GNAS: variants seen among roughly 807,000 people sequenced by gnomAD.
The protein encoded by GNAS is GNAS complex locus.
Under a neutral mutation model 54.5 loss-of-function variants are expected in GNAS, and 8 were observed. That is an observed-to-expected ratio of 0.15 (90% CI 0.09 to 0.26). The LOEUF (loss-of-function observed/expected upper bound fraction) is 0.26. GNAS is among the 10% of genes least tolerant of loss of function. The pLI, the probability that GNAS is intolerant of heterozygous loss-of-function variation, is 1.00. For synonymous variants in GNAS, 204 were observed against 191.4 expected, an observed-to-expected ratio of 1.07 and a Z score of -0.54; for missense variants, 170 against 529.8, an observed-to-expected ratio of 0.32 and a Z score of 6.67.
Position 58,867,222 on chromosome 20 carries a change from G to A in GNAS, c.43+26336G>A, listed in dbSNP as rs919767048. ...CAGAACCCAAAAACAAATGCCAGAC[G>A]TTAGGGGAAAATTTTTAAAAGTTGG... On this transcript the variant is annotated intron_variant, in intron 1 of 12. Coordinates refer to the GNAS transcript ENST00000306090. 5.9e-5 allele frequency among the ~76,000 whole-genome samples: 9 copies of A among 152,212 alleles called. No homozygotes were observed. The East Asian group carries it at 9.6e-4, about 16-fold the overall frequency.
At chr20:58,843,996 C>T (rs982459863) in intron 1 of GNAS, 3 of 152,208 alleles carry the variant, frequency 2.0e-5, no homozygotes, top group Admixed American at 2.0e-4. Context: ...GAGTTGCTTA[C>T]AGCCTTTAAC....
rs762502110 is a variant in GNAS, at chr20:58,909,972, G to A, written c.861G>A (p.Val287=). The A allele has an allele frequency of 3.1e-6, 5 of 1,614,050 alleles. No individual in the cohort carries two copies. The South Asian group carries it at 5.5e-5, about 18-fold the overall frequency. The change falls in exon 11 of 13, where the codon GTG becomes GTA. Residue 287 remains valine, a synonymous_variant. Coordinates refer to ENST00000371085, the MANE Select transcript of GNAS (RefSeq NM_000516.7). The surrounding 1 kb of genome is among the most constrained non-coding windows in gnomAD (Gnocchi z 7.3). ...WNNRWLRTIS[V]ILFLNKQDLL... ...GTAGATGGCTGCGCACCATCTCTGT[G>A]ATCCTGTTCCTCAACAAGCAAGATC...
At chr20:58,907,638 GT>G (rs999084856) in intron 6 of GNAS, among the ~76,000 whole-genome samples, 2 of 151,966 alleles carry the variant, frequency 1.3e-5, no homozygotes, top group Non-Finnish European at 2.9e-5. Context: ...AGTTTTTGGG[GT>G]TTTTTTAAGC....
chr20:58,888,959 C>T (rs1002652454), upstream of GNAS: 5 of 498,956 alleles, frequency 1.0e-5, no homozygotes, highest in Admixed American at 6.5e-5. Flanking sequence ...CCCGCGCCCC[C>T]CGCCATCGCG....
intron 1 of GNAS, among the ~76,000 whole-genome samples, chr20:58,846,871 T>C (rs1220600445): frequency 6.6e-6 from 1 of 152,202 alleles, no homozygotes; most frequent in Non-Finnish European, 1.5e-5. Flanking sequence ...TTGCAGAAAT[T>C]TTAAGCAGAG....
intron 1 of GNAS, chr20:58,854,509 C>T: frequency 6.3e-7 from 1 of 1,576,572 alleles, no homozygotes; most frequent in Non-Finnish European, 8.6e-7. Flanking sequence ...GACTCCGGGA[C>T]AGCACCAGCC....
At chr20:58,855,023 C>T (rs755753529) in intron 1 of GNAS, 3 of 1,612,856 alleles carry the variant, frequency 1.9e-6, no homozygotes, top group Admixed American at 3.3e-5. Context: ...ATGGGACCTC[C>T]GGATGCCTCC....
chr20:58,854,859 A>G lies in GNAS; in HGVS notation c.43+13973A>G, dbSNP rs1413730276. 1 of 1,597,172 alleles carries G rather than the reference A, an allele frequency of 6.3e-7. No homozygotes were observed. The highest frequency in any genetic ancestry group is 8.5e-7 in the Non-Finnish European group (1 of 1,176,022). ...ACGCAAGATCCATCTCAGACCCCCC[A>G]GCCCCGAGATCCAGGCTGCCGATCC... On this transcript the variant is annotated intron_variant, in intron 1 of 12. Transcript: ENST00000306090.
chr20:58,892,788 C>T (rs985637028), intron 1 of GNAS, among the ~76,000 whole-genome samples: 3 of 151,922 alleles, frequency 2.0e-5, no homozygotes, highest in Non-Finnish European at 2.9e-5. Context: ...AATGACACGT[C>T]ATTTTACAGT....
intron 1 of GNAS, among the ~76,000 whole-genome samples, chr20:58,892,727 C>G (rs1000604970): frequency 1.3e-5 from 2 of 151,944 alleles, no homozygotes; most frequent in African/African-American, 4.8e-5. Flanking sequence ...AGACCACCCC[C>G]CAACACCAAA....
chr20:58,840,699 A>G, upstream of GNAS: 1 of 1,604,112 alleles, frequency 6.2e-7, no homozygotes, highest in Middle Eastern at 1.7e-4. The surrounding 1 kb of genome is among the most constrained non-coding windows in gnomAD (Gnocchi z 6.0). Context: ...AAGCCCGAGG[A>G]CAAAGATCCA....
At chr20:58,876,606 G>A (rs2087837135) in intron 1 of GNAS, 1 of 152,150 alleles carries the variant, frequency 6.6e-6, no homozygotes, top group African/African-American at 2.4e-5. Flanking sequence ...ATAAGTTACA[G>A]TTTTATTTCA....
At chr20:58,867,909 T>C (rs1454654670) in intron 1 of GNAS, among the ~76,000 whole-genome samples, 1 of 152,094 alleles carries the variant, frequency 6.6e-6, no homozygotes, top group Non-Finnish European at 1.5e-5. Context: ...GGCTTGAGAT[T>C]GAGACTTGGA....
rs2086256201 is a variant in GNAS, at chr20:58,853,270, G to A, written c.43+12384G>A. ...TTGAGAGGCCGCCACCGTGTTATGG[G>A]CGTGCGCAACTGCCTCTACGGCAAT... On this transcript the variant is annotated intron_variant, in intron 1 of 12. Coordinates refer to the GNAS transcript ENST00000306090. This position sits in a 1 kb window ranked among gnomAD's most constrained non-coding sequence, Gnocchi z 4.4. 1 of 1,546,104 alleles carries A rather than the reference G, an allele frequency of 6.5e-7. No individual in the cohort carries two copies. Among genetic ancestry groups the A allele is most frequent in the Non-Finnish European group, 8.7e-7 (1 of 1,143,602 alleles).
At chr20:58,854,426 A>G (rs1258745679) in intron 1 of GNAS, 1 of 1,571,156 alleles carries the variant, frequency 6.4e-7, no homozygotes, top group Non-Finnish European at 8.6e-7. Context: ...GGGCAGCCTC[A>G]GCGGATACCG....
rs894271245 is a variant in GNAS at position 58,902,128 on chromosome 20, CCT to C, written c.258-1400_258-1399del. On this transcript the variant is annotated intron_variant, in intron 3 of 12. Coordinates refer to ENST00000371085, the MANE Select transcript of GNAS (RefSeq NM_000516.7). ...TGGTTTCTGCCTCGGTGACTCCCCC[CCT>C]CTTGGCCTCAGTTTCCCTGTCAGAG... Among the ~76,000 whole-genome samples, 15 of 148,282 alleles carry C rather than the reference CCT, an allele frequency of 1.0e-4. No homozygotes were observed. The East Asian group carries it at 1.6e-3, about 15-fold the overall frequency.
chr20:58,903,480 C>T, intron 3 of GNAS, 51 bp from the exon 4 acceptor site: 1 of 1,453,242 alleles, frequency 6.9e-7, no homozygotes, highest in Non-Finnish European at 9.7e-7. Flanking sequence ...AGCAGTACTC[C>T]TAACTGACAT....
chr20:58,842,492 T>G, intron 1 of GNAS: 1 of 398,658 alleles, frequency 2.5e-6, no homozygotes, highest in Non-Finnish European at 4.4e-6. Flanking sequence ...CGCCCAAGAC[T>G]TAGTTCTGCC....
intron 1 of GNAS, chr20:58,855,608 C>T (rs984636976): frequency 1.4e-6 from 1 of 717,228 alleles, no homozygotes; most frequent in Admixed American, 2.0e-5. Flanking sequence ...GACAGGCCAG[C>T]GCCAGCAACC....
Sources: gnomAD v4.1 joint callset for allele counts (sites outside exome capture counted in the v4.1 genomes callset) on GRCh38, gnomAD v4.1.1 for gene constraint, Gnocchi (gnomAD v3.1) non-coding constraint, MANE v1.5 for transcripts, NCBI Gene and HGNC (gene_info 2026-07-23, HGNC 2026-07-21) for gene names.